AGBL1: variants seen among roughly 807,000 people sequenced by gnomAD.
AGBL1 encodes the protein AGBL carboxypeptidase 1.
A neutral mutation model predicts 118.9 loss-of-function variants in AGBL1; 130 were observed. The ratio of observed to expected loss-of-function variants is 1.09; its 90% CI spans 0.95 to 1.26. The LOEUF (loss-of-function observed/expected upper bound fraction) is 1.26, where lower values mean the gene tolerates loss of function less well. Ranked by LOEUF, AGBL1 falls within the 50% of genes most tolerant of loss-of-function variation. AGBL1 has a pLI of 0.00. For synonymous variants in AGBL1, 555 were observed against 478.9 expected, an observed-to-expected ratio of 1.16 and a Z score of -2.08; for missense variants, 1,584 against 1,298.1, an observed-to-expected ratio of 1.22 and a Z score of -3.38.
chr15:86,174,036 T>C (rs2077450102), intron 5 of AGBL1, among the ~76,000 whole-genome samples: 1 of 151,956 alleles, frequency 6.6e-6, no homozygotes, highest in Admixed American at 6.6e-5. Flanking sequence ...TTTGGAGTAG[T>C]ATAGTCTCAA....
chr15:86,245,303 T>C (rs1008105447), intron 6 of AGBL1, among the ~76,000 whole-genome samples: 18 of 152,340 alleles, frequency 1.2e-4, no homozygotes, highest in Non-Finnish European at 2.1e-4. Context: ...GAAATTTTGC[T>C]TATCTGATTA....
chr15:86,391,147 C>T (rs1296892427), intron 17 of AGBL1, among the ~76,000 whole-genome samples: 1 of 151,780 alleles, frequency 6.6e-6, no homozygotes, highest in Non-Finnish European at 1.5e-5. Context: ...TTTGATTTTA[C>T]AACACTGTAT....
chr15:86,462,462 T>G (rs569753400), intron 18 of AGBL1, among the ~76,000 whole-genome samples: 1 of 152,248 alleles, frequency 6.6e-6, no homozygotes, highest in South Asian at 2.1e-4. Context: ...AAACTTTTAC[T>G]TCTGGGATAC....
chr15:86,567,262 T>C (rs1375287897), intron 21 of AGBL1, among the ~76,000 whole-genome samples: 3 of 152,226 alleles, frequency 2.0e-5, no homozygotes, highest in Admixed American at 2.0e-4. Flanking sequence ...AGATTTTGGC[T>C]TTCATAGACA....
At chr15:86,638,356 T>C (rs2085134985) in intron 21 of AGBL1, among the ~76,000 whole-genome samples, 1 of 152,226 alleles carries the variant, frequency 6.6e-6, no homozygotes, top group Non-Finnish European at 1.5e-5. Context: ...TTTGTAATGA[T>C]CTTCCAAGGA....
At chr15:86,288,592 CT>C (rs144370887) in intron 16 of AGBL1, among the ~76,000 whole-genome samples, 1 of 151,736 alleles carries the variant, frequency 6.6e-6, no homozygotes, top group Non-Finnish European at 1.5e-5. Flanking sequence ...ATAATTTCTG[CT>C]TTTTTGGGGG....
chr15:86,554,614 T>G, intron 21 of AGBL1, 77 bp downstream of exon 21: 1 of 1,320,650 alleles, frequency 7.6e-7, no homozygotes, highest in African/African-American at 1.5e-5. Flanking sequence ...CGTACCTGCT[T>G]TCTCACCTAA....
chr15:86,166,380 C>G (rs998385547), intron 5 of AGBL1, among the ~76,000 whole-genome samples: 1 of 152,194 alleles, frequency 6.6e-6, no homozygotes, highest in African/African-American at 2.4e-5. Context: ...AGCTCCCTAT[C>G]CTGTGGAAAT....
At chr15:86,158,312 T>C (rs548395410) in intron 4 of AGBL1, among the ~76,000 whole-genome samples, 4 of 152,354 alleles carry the variant, frequency 2.6e-5, no homozygotes, top group South Asian at 2.1e-4. Flanking sequence ...TCCACCCTTG[T>C]TTCCCTCTCT....
intron 5 of AGBL1, among the ~76,000 whole-genome samples, chr15:86,216,512 A>T (rs1161991606): frequency 6.6e-6 from 1 of 152,148 alleles, no homozygotes; most frequent in Non-Finnish European, 1.5e-5. Flanking sequence ...GTGTTTTGAG[A>T]TGATCAGGTA....
intron 21 of AGBL1, among the ~76,000 whole-genome samples, chr15:86,642,565 G>A (rs919194036): frequency 2.0e-5 from 3 of 151,544 alleles, no homozygotes; most frequent in African/African-American, 7.3e-5. Flanking sequence ...TAAACAACAT[G>A]CAACTTTTGT....
chr15:86,989,493 G>A (rs1001022123), intron 24 of AGBL1, among the ~76,000 whole-genome samples: 8 of 151,754 alleles, frequency 5.3e-5, no homozygotes, highest in African/African-American at 1.7e-4. Flanking sequence ...AGATTATAAG[G>A]GTTTCCCCCT....
intron 5 of AGBL1, among the ~76,000 whole-genome samples, chr15:86,195,085 A>T (rs949577268): frequency 7.9e-5 from 12 of 152,118 alleles, no homozygotes; most frequent in African/African-American, 2.9e-4. Flanking sequence ...TCACTTTTTC[A>T]TCATGCATTT....
At chr15:86,371,631 C>A (rs1235099336) in intron 17 of AGBL1, among the ~76,000 whole-genome samples, 1 of 152,128 alleles carries the variant, frequency 6.6e-6, no homozygotes, top group African/African-American at 2.4e-5. Context: ...CCATACCTCA[C>A]CCCGGCTGAG....
At chr15:86,596,978 C>T (rs2084417652) in intron 21 of AGBL1, among the ~76,000 whole-genome samples, 1 of 152,164 alleles carries the variant, frequency 6.6e-6, no homozygotes, top group Admixed American at 6.5e-5. Flanking sequence ...TATGGACCAA[C>T]ATGTGACAGA....
intron 5 of AGBL1, among the ~76,000 whole-genome samples, chr15:86,204,486 TCCCTTC>T (rs147795031): frequency 0.081 from 12,015 of 148,118 alleles, 583 homozygotes; most frequent in African/African-American, 0.12. Context: ...TCCCTTCCTT[TCCCTTC>T]CCCTTCCCCT....
At chr15:86,570,013 ACAAAAT>A (rs1567063176) in intron 21 of AGBL1, among the ~76,000 whole-genome samples, 1 of 152,242 alleles carries the variant, frequency 6.6e-6, no homozygotes, top group East Asian at 1.9e-4. Flanking sequence ...GAACAGACAA[ACAAAAT>A]CAAAGAAAGC....
intron 18 of AGBL1, among the ~76,000 whole-genome samples, chr15:86,478,420 C>G (rs1489564016): frequency 1.3e-5 from 2 of 152,164 alleles, no homozygotes; most frequent in Non-Finnish European, 2.9e-5. Context: ...AAATCACAAA[C>G]ATTCTTATAC....
chr15:86,353,271 CA>C (rs1374760928), intron 17 of AGBL1, among the ~76,000 whole-genome samples: 1 of 152,174 alleles, frequency 6.6e-6, no homozygotes, highest in African/African-American at 2.4e-5. Flanking sequence ...GACAGAGTTT[CA>C]CAAAACTCTA....
Sources: gnomAD v4.1 joint callset for allele counts (sites outside exome capture counted in the v4.1 genomes callset) on GRCh38, gnomAD v4.1.1 for gene constraint, MANE v1.5 for transcripts, NCBI Gene and HGNC (gene_info 2026-07-23, HGNC 2026-07-21) for gene names.